Variants in CPAP observed in about 807,000 individuals in gnomAD.
CPAP encodes centrosomal P4.1-associated protein.
the CPAP span, chr13:24,883,230 G>A: frequency 9.3e-6 from 15 of 1,613,810 alleles, no homozygotes; most frequent in South Asian, 2.2e-5. Context: ...ACTCTTATCC[G>A]ACCGGATCTG....
At chr13:24,883,704 T>A in the CPAP span, among the ~76,000 whole-genome samples, 3 of 152,288 alleles carry the variant, frequency 2.0e-5, no homozygotes, top group East Asian at 5.8e-4. Flanking sequence ...CTGTATCAGG[T>A]GGGGAAGAGA....
At chr13:24,896,105 T>C in the CPAP span, among the ~76,000 whole-genome samples, 1 of 152,120 alleles carries the variant, frequency 6.6e-6, no homozygotes, top group Non-Finnish European at 1.5e-5. Context: ...GAAAGGTAAA[T>C]ACGGGGAACT....
At chr13:24,885,707 T>C in the CPAP span, 1 of 1,463,764 alleles carries the variant, frequency 6.8e-7, no homozygotes, top group East Asian at 2.3e-5. Context: ...AGATTTAATA[T>C]TTAATTGAAA....
At chr13:24,889,436 G>A in the CPAP span, 2 of 1,369,828 alleles carry the variant, frequency 1.5e-6, no homozygotes, top group South Asian at 1.2e-5. Flanking sequence ...TTTAAAATGA[G>A]TGTTAGTCTA....
the CPAP span, among the ~76,000 whole-genome samples, chr13:24,901,824 T>C: frequency 6.6e-6 from 1 of 152,104 alleles, no homozygotes; most frequent in Non-Finnish European, 1.5e-5. Context: ...AAACCCCGTA[T>C]CTACCAAAAA....
At chr13:24,933,055 T>C in the CPAP span, 4 of 1,590,242 alleles carry the variant, frequency 2.5e-6, no homozygotes, top group Non-Finnish European at 3.5e-6. Context: ...AGTGAAGTAC[T>C]TACCTCGGCA....
the CPAP span, chr13:24,909,865 A>G: frequency 6.2e-7 from 1 of 1,614,040 alleles, no homozygotes; most frequent in East Asian, 2.2e-5. Flanking sequence ...GCCTCAGAAA[A>G]TAAATTAGGA....
the CPAP span, chr13:24,905,293 TTAA>T: frequency 2.0e-6 from 3 of 1,511,104 alleles, no homozygotes; most frequent in African/African-American, 4.1e-5. Flanking sequence ...AGCATACTGA[TTAA>T]TGTTAAATTT....
At chr13:24,885,272 TA>T in the CPAP span, 2 of 1,559,032 alleles carry the variant, frequency 1.3e-6, no homozygotes, top group East Asian at 4.5e-5. Flanking sequence ...AAACATTTTT[TA>T]ACCTTTCCAT....
At chr13:24,929,765 G>C in the CPAP span, among the ~76,000 whole-genome samples, 1 of 152,010 alleles carries the variant, frequency 6.6e-6, no homozygotes, top group Non-Finnish European at 1.5e-5. Flanking sequence ...TGGTACACTT[G>C]ATGGTGTCCA....
At chr13:24,904,187 TG>T in the CPAP span, 2 of 1,066,506 alleles carry the variant, frequency 1.9e-6, no homozygotes, top group African/African-American at 3.2e-5. Context: ...TTAGAAACAA[TG>T]CTTCAAACAT....
At chr13:24,903,883 G>C in the CPAP span, 2 of 1,598,444 alleles carry the variant, frequency 1.3e-6, no homozygotes, top group Non-Finnish European at 1.7e-6. Flanking sequence ...AGGTATAACT[G>C]AGTCACTGCA....
chr13:24,906,231 T>C, the CPAP span: 1 of 1,606,806 alleles, frequency 6.2e-7, no homozygotes, highest in South Asian at 1.1e-5. Flanking sequence ...TGTTGATCCC[T>C]TTCTAAGATT....
At chr13:24,917,623 G>A in the CPAP span, among the ~76,000 whole-genome samples, 1 of 152,130 alleles carries the variant, frequency 6.6e-6, no homozygotes, top group Non-Finnish European at 1.5e-5. Flanking sequence ...ACACTGTTAT[G>A]TGTCTATCTG....
chr13:24,929,732 T>A, the CPAP span, among the ~76,000 whole-genome samples: 1 of 152,156 alleles, frequency 6.6e-6, no homozygotes, highest in African/African-American at 2.4e-5. Context: ...TATTTCTTTC[T>A]GGGACTCCCA....
At chr13:24,894,915 G>C in the CPAP span, among the ~76,000 whole-genome samples, 1 of 152,176 alleles carries the variant, frequency 6.6e-6, no homozygotes, top group East Asian at 1.9e-4. Flanking sequence ...GAGAGGAGCC[G>C]GGAGGGGAAA....
the CPAP span, chr13:24,905,684 G>A: frequency 1.5e-5 from 24 of 1,614,084 alleles, no homozygotes; most frequent in Non-Finnish European, 2.0e-5. Flanking sequence ...CAGACTTAGG[G>A]ATGAGGATCT....
chr13:24,932,349 C>T, the CPAP span, among the ~76,000 whole-genome samples: 1 of 152,196 alleles, frequency 6.6e-6, no homozygotes, highest in Non-Finnish European at 1.5e-5. Flanking sequence ...TGGTGGTGGG[C>T]GCCTGTAATC....
the CPAP span, among the ~76,000 whole-genome samples, chr13:24,927,798 C>T: frequency 3.9e-5 from 6 of 152,158 alleles, no homozygotes; most frequent in Non-Finnish European, 5.9e-5. Flanking sequence ...GCAGCCCCAA[C>T]GGAGCCAATA....
Sources: allele counts gnomAD v4.1 joint callset (sites outside exome capture counted in the v4.1 genomes callset), GRCh38; gene constraint gnomAD v4.1.1; transcripts MANE v1.5; gene names NCBI Gene and HGNC (gene_info 2026-07-23, HGNC 2026-07-21).